The following ZNF615 variants were observed in gnomAD, a reference collection of about 807,000 sequenced individuals.
The protein encoded by ZNF615 is zinc finger protein 615.
A neutral mutation model predicts 15.3 loss-of-function variants in ZNF615; 15 were observed. That is an observed-to-expected ratio of 0.98 (90% confidence interval 0.66 to 1.51). The LOEUF (loss-of-function observed/expected upper bound fraction) is 1.51, where lower values mean the gene tolerates loss of function less well. Ranked by LOEUF, ZNF615 falls within the 40% of genes most tolerant of loss-of-function variation. The pLI is 0.00. For missense variants in ZNF615, 848 were observed against 895.9 expected, an observed-to-expected ratio of 0.95 and a Z score of 0.68; for synonymous variants, 268 against 294.6, an observed-to-expected ratio of 0.91 and a Z score of 0.92.
Position 51,994,679 on chromosome 19 carries a change from G to A in ZNF615, c.430C>T (p.His144Tyr). The change falls in exon 7 of 7, where the codon CAT becomes TAT. Residue 144 changes from histidine to tyrosine, a missense_variant. His to Tyr is a moderately conservative substitution (Grantham distance 83, BLOSUM62 2). Transcript: ENST00000598071. ...LKQDCDTFDL[H>Y]EKPLKSNLSF... ...AAATTTGATTTTAAAGGTTTTTCAT[G>A]TAAGTCAAACGTATCACAATCTTGC... 2 of 1,613,156 alleles carry A rather than the reference G, an allele frequency of 1.2e-6. No homozygotes were observed. The highest frequency in any genetic ancestry group is 1.7e-6 in the Non-Finnish European group (2 of 1,179,842).
At position 51,993,730 on chromosome 19, in the gene ZNF615, G is replaced by C; in HGVS notation, c.1379C>G (p.Thr460Arg). 6.2e-7 allele frequency: 1 copy of C among 1,613,938 alleles called. No individual in the cohort carries two copies. The highest frequency in any genetic ancestry group is 8.5e-7 in the Non-Finnish European group (1 of 1,180,000). Residue 460 changes from threonine to arginine, a missense_variant, in exon 7 of 7, where the codon ACA becomes AGA. Physicochemically the swap from Thr to Arg is moderately conservative, Grantham distance 71 (BLOSUM62 -1). Coordinates refer to ENST00000598071, the MANE Select transcript of ZNF615 (RefSeq NM_001199324.2). ...LKSPLIRHQRTHTGEKPYVCT... is the reference protein window; with the variant it reads ...LKSPLIRHQRRHTGEKPYVCT... Reference sequence around the variant, plus strand: ...TACATAGGGTTTCTCTCCAGTATGTGTTCGCTGATGTCTGATGAGTGGGCT... The same window carrying C: ...TACATAGGGTTTCTCTCCAGTATGTCTTCGCTGATGTCTGATGAGTGGGCT...
intron 2 of ZNF615, among the ~76,000 whole-genome samples, chr19:52,005,812 T>C (rs1391043420): frequency 6.6e-6 from 1 of 152,172 alleles, no homozygotes; most frequent in Non-Finnish European, 1.5e-5. Context: ...CTCAGTAGAA[T>C]GCAGTATAAA....
intron 6 of ZNF615, chr19:51,999,977 T>G: frequency 5.8e-6 from 1 of 173,868 alleles, no homozygotes; most frequent in East Asian, 1.4e-4. Flanking sequence ...GGAATCAACC[T>G]AGGTTCCCAT....
chr19:51,995,458 T>A (rs529587092), intron 6 of ZNF615, among the ~76,000 whole-genome samples: 2 of 152,124 alleles, frequency 1.3e-5, no homozygotes, highest in African/African-American at 4.8e-5. Context: ...ACCACACAGG[T>A]TGATCCCAAA....
At chr19:52,000,400 TAAAATAAAATTAAA>T in intron 5 of ZNF615, 22 bp from the exon 6 acceptor site, 1 of 614,352 alleles carries the variant, frequency 1.6e-6, no homozygotes. Context: ...ACATAAAAGA[TAAAATAAAATTAAA>T]AAAATAAAAT....
intron 2 of ZNF615, chr19:52,004,497 G>A (rs916522683): frequency 7.9e-5 from 12 of 151,986 alleles, no homozygotes; most frequent in African/African-American, 2.4e-4. Flanking sequence ...GGGTTCAAGC[G>A]ATTCTCCTGC....
At chr19:52,000,097 T>C in intron 6 of ZNF615, 1 of 364,976 alleles carries the variant, frequency 2.7e-6, no homozygotes, top group Non-Finnish European at 4.9e-6. Flanking sequence ...CTGGAAGCCA[T>C]TACCCTAAGT....
intron 6 of ZNF615, among the ~76,000 whole-genome samples, chr19:51,996,399 A>AC (rs1568500116): frequency 2.0e-5 from 3 of 150,228 alleles, no homozygotes; most frequent in African/African-American, 4.9e-5. Context: ...AAAAAAAAAA[A>AC]AAAAAAAAAC....
chr19:52,003,144 G>A (rs1218445000), intron 3 of ZNF615, among the ~76,000 whole-genome samples: 1 of 150,172 alleles, frequency 6.7e-6, no homozygotes, highest in African/African-American at 2.4e-5. Context: ...AGCAAATTTG[G>A]AAAAAAAAAT....
chr19:51,998,091 A>C (rs1046129996), intron 6 of ZNF615, among the ~76,000 whole-genome samples: 19 of 152,208 alleles, frequency 1.2e-4, no homozygotes, highest in African/African-American at 4.6e-4. Flanking sequence ...TAATCTATCA[A>C]ATAAATTAGT....
At chr19:52,008,052 A>T (rs2086804994) in intron 1 of ZNF615, 89 bp downstream of exon 1, 1 of 1,245,322 alleles carries the variant, frequency 8.0e-7, no homozygotes, top group African/African-American at 1.5e-5. Flanking sequence ...GACAGATACC[A>T]GTCCATCACC....
chr19:52,005,279 G>T lies in ZNF615; in HGVS notation c.-189-1379C>A, dbSNP rs1051148980. Among the ~76,000 whole-genome samples the T allele has an allele frequency of 2.6e-5, 4 of 152,156 alleles. No homozygotes were observed. The South Asian group carries it at 8.3e-4, about 32-fold the overall frequency. ...ATCTCAAAACAACAACAACAAAAAA[G>T]AACATATAAAGTAGGAGGATGGCAA... On this transcript the variant is annotated intron_variant, in intron 2 of 6. Transcript: ENST00000598071.
In ZNF615 at chr19:51,993,442, C is replaced by T. The variant is rs2086301721; in HGVS notation, c.1667G>A (p.Cys556Tyr). ...ACTCTTCTCAGTGAAGCCTTTTCCA[C>T]ACTCATTGCAAATATAAGGTTTCTC... ...TGEKPYICNECGKGFTEKSHL... is the reference protein window; with the variant it reads ...TGEKPYICNEYGKGFTEKSHL... The change falls in exon 7 of 7, where the codon TGT (cysteine) becomes TAT (tyrosine). Residue 556 changes from cysteine (C) to tyrosine (Y), a missense_variant. Physicochemically the swap from Cys to Tyr is radical, Grantham distance 194. Transcript: ENST00000598071. 2 of 1,614,022 alleles carry T rather than the reference C, an allele frequency of 1.2e-6. No individual in the cohort carries two copies. Among genetic ancestry groups the T allele is most frequent in the African/African-American group, 2.7e-5 (2 of 74,908 alleles).
rs1444773531 is a variant in ZNF615 at position 52,008,190 on chromosome 19, C to T, written c.-277G>A. The T allele has an allele frequency of 3.3e-6, 5 of 1,534,984 alleles. No individual in the cohort carries two copies. In the South Asian group the frequency reaches 3.6e-5, roughly 11 times the overall value. ...CCTCATCTCTCGGCCTCCTCAGTGCCTGACGGCGACTATCCAGGGTCGGAG... is the reference window on the plus strand; with the variant it reads ...CCTCATCTCTCGGCCTCCTCAGTGCTTGACGGCGACTATCCAGGGTCGGAG... On this transcript the variant is annotated 5_prime_UTR_variant, in exon 1 of 7. Coordinates refer to ENST00000598071, the MANE Select transcript of ZNF615 (RefSeq NM_001199324.2).
chr19:51,998,148 C>T (rs1050189202), intron 6 of ZNF615, among the ~76,000 whole-genome samples: 2 of 152,156 alleles, frequency 1.3e-5, no homozygotes, highest in African/African-American at 4.8e-5. Context: ...GTGTTCTCAA[C>T]TCATTTGGAA....
At position 52,008,183 on chromosome 19, in the gene ZNF615, T is replaced by G. The variant is rs1465955978; in HGVS notation, c.-270A>C. The G allele has an allele frequency of 3.3e-6, 5 of 1,535,244 alleles. No homozygotes were observed. The highest frequency in any genetic ancestry group is 2.0e-5 in the Admixed American group (1 of 50,948). On this transcript the variant is annotated 5_prime_UTR_variant, in exon 1 of 7. Transcript: ENST00000598071. The stretch of plus-strand genomic sequence containing the variant: ...GCTCCGGCCTCATCTCTCGGCCTCC[T>G]CAGTGCCTGACGGCGACTATCCAGG...
At chr19:52,001,023 G>A (rs572110286) in intron 5 of ZNF615, among the ~76,000 whole-genome samples, 3 of 152,122 alleles carry the variant, frequency 2.0e-5, no homozygotes, top group Non-Finnish European at 4.4e-5. Flanking sequence ...AGGTTATCAT[G>A]GGCACAGCAT....
intron 1 of ZNF615, chr19:52,007,931 T>TCC (rs1555774054): frequency 5.7e-6 from 3 of 530,450 alleles, no homozygotes; most frequent in African/African-American, 1.9e-5. Context: ...GGTACCCCGA[T>TCC]CACACACACA....
chr19:52,004,285 T>C (rs2903710), intron 2 of ZNF615: 63,415 of 152,160 alleles, frequency 0.42, 15,230 homozygotes, highest in African/African-American at 0.65. Context: ...AGAGGTCTTT[T>C]TACATTCTAG....
Sources: allele counts gnomAD v4.1 joint callset (sites outside exome capture counted in the v4.1 genomes callset), GRCh38; gene constraint gnomAD v4.1.1; transcripts MANE v1.5; gene names NCBI Gene and HGNC (gene_info 2026-07-23, HGNC 2026-07-21).